Variants in GRID2 observed in about 807,000 individuals in gnomAD.
The protein encoded by GRID2 is glutamate ionotropic receptor delta type subunit 2, also known as glutamate receptor ionotropic, delta-2.
Under a neutral mutation model 114.8 loss-of-function variants are expected in GRID2, and 33 were observed. That is an observed-to-expected ratio of 0.29 (90% confidence interval 0.22 to 0.38). GRID2 has a LOEUF of 0.38. Among genes scored for constraint, GRID2 ranks in the 10% least tolerant of loss-of-function variants. GRID2 has a pLI of 1.00. For synonymous variants in GRID2, 505 were observed against 449.9 expected, an observed-to-expected ratio of 1.12 and a Z score of -1.55; for missense variants, 1,184 against 1,257.7, an observed-to-expected ratio of 0.94 and a Z score of 0.89.
chr4:92,589,548 T>C lies in GRID2; in HGVS notation c.89-583T>C, dbSNP rs150774990. Among the ~76,000 whole-genome samples the C allele has an allele frequency of 7.0e-3, 1,061 of 152,328 alleles. 11 individuals carry two copies. Among genetic ancestry groups the C allele is most frequent in the African/African-American group, 0.024 (1,013 of 41,576 alleles). The stretch of plus-strand genomic sequence containing the variant: ...ATCCATTAGGACTTACATTAGTTCC[T>C]TGAGAAATATTTATCCATTCCCTCT... On this transcript the variant is annotated intron_variant, in intron 1 of 15. Coordinates refer to ENST00000282020, the MANE Select transcript of GRID2 (RefSeq NM_001510.4).
chr4:93,334,922 A>C (rs914365337), intron 8 of GRID2, among the ~76,000 whole-genome samples: 2 of 151,578 alleles, frequency 1.3e-5, no homozygotes, highest in African/African-American at 2.4e-5. Context: ...CAAGAGCAAA[A>C]CTCCGTCTCA....
chr4:92,328,448 A>C (rs1259206065), intron 1 of GRID2, among the ~76,000 whole-genome samples: 1 of 152,048 alleles, frequency 6.6e-6, no homozygotes, highest in Non-Finnish European at 1.5e-5. Context: ...AAATGATGAC[A>C]ACTTGTTTCT....
intron 2 of GRID2, among the ~76,000 whole-genome samples, chr4:92,675,635 C>G (rs1274636394): frequency 6.6e-6 from 1 of 151,538 alleles, no homozygotes; most frequent in Non-Finnish European, 1.5e-5. Flanking sequence ...ACTGCAAGCT[C>G]CGCCTCCCAG....
At chr4:92,719,576 A>G (rs1302965327) in intron 2 of GRID2, among the ~76,000 whole-genome samples, 1 of 152,120 alleles carries the variant, frequency 6.6e-6, no homozygotes, top group Non-Finnish European at 1.5e-5. Flanking sequence ...GACAAATGCT[A>G]CTAAAAGGTA....
intron 14 of GRID2, among the ~76,000 whole-genome samples, chr4:93,681,784 T>C (rs13112342): frequency 1.3e-5 from 2 of 152,080 alleles, no homozygotes; most frequent in East Asian, 1.9e-4. Context: ...TTAATTCAAG[T>C]TGGATTAAAG....
At chr4:93,697,880 T>TATATATATATATATA (rs1208336606) in intron 14 of GRID2, among the ~76,000 whole-genome samples, 6 of 147,780 alleles carry the variant, frequency 4.1e-5, no homozygotes, top group South Asian at 2.1e-4. Context: ...TATATATATA[T>TATATATATATATATA]TTCAAAACAA....
intron 8 of GRID2, among the ~76,000 whole-genome samples, chr4:93,357,402 T>C (rs1449306077): frequency 1.3e-5 from 2 of 151,336 alleles, no homozygotes; most frequent in Non-Finnish European, 3.0e-5. Flanking sequence ...AAATATTCTG[T>C]CATATATGTT....
intron 1 of GRID2, among the ~76,000 whole-genome samples, chr4:92,546,722 A>C (rs557240139): frequency 6.6e-6 from 1 of 152,346 alleles, no homozygotes; most frequent in Non-Finnish European, 1.5e-5. Context: ...GTGGATACAC[A>C]TGCAAGTCTG....
intron 8 of GRID2, among the ~76,000 whole-genome samples, chr4:93,302,045 A>T (rs958692063): frequency 6.6e-6 from 1 of 152,204 alleles, no homozygotes; most frequent in African/African-American, 2.4e-5. Context: ...AAACACACCA[A>T]TAAAATCTTA....
chr4:93,418,726 A>G (rs762259157), intron 9 of GRID2, among the ~76,000 whole-genome samples: 6 of 151,988 alleles, frequency 3.9e-5, no homozygotes, highest in African/African-American at 7.2e-5. Context: ...CATTTCTTTG[A>G]TTTTTGTTTG....
chr4:93,645,000 C>T (rs12710872), intron 14 of GRID2, among the ~76,000 whole-genome samples: 42,148 of 151,966 alleles, frequency 0.28, 8,286 homozygotes, highest in African/African-American at 0.56. Flanking sequence ...TATTCAGAGA[C>T]GTATTCCAAA....
intron 13 of GRID2, among the ~76,000 whole-genome samples, chr4:93,594,144 T>C (rs1738752549): frequency 6.6e-6 from 1 of 152,138 alleles, no homozygotes; most frequent in Admixed American, 6.5e-5. Flanking sequence ...CTTTTTAGAG[T>C]TTCCAGTTTT....
chr4:92,659,541 A>G (rs1436878982), intron 2 of GRID2, among the ~76,000 whole-genome samples: 1 of 151,616 alleles, frequency 6.6e-6, no homozygotes, highest in African/African-American at 2.4e-5. Flanking sequence ...AATGATATAT[A>G]AACAAAAATC....
At chr4:92,921,982 T>C (rs187841507) in intron 2 of GRID2, among the ~76,000 whole-genome samples, 2,260 of 152,298 alleles carry the variant, frequency 0.015, 22 homozygotes, top group East Asian at 0.053. Context: ...CCTTGAGCTT[T>C]GGTGGGCTCC....
intron 2 of GRID2, among the ~76,000 whole-genome samples, chr4:92,890,108 A>T (rs891864374): frequency 1.3e-5 from 2 of 152,172 alleles, no homozygotes; most frequent in Non-Finnish European, 2.9e-5. Flanking sequence ...CTTATACAAA[A>T]ATTAACTCAA....
At chr4:93,646,435 GA>G (rs1363300969) in intron 14 of GRID2, among the ~76,000 whole-genome samples, 1 of 152,174 alleles carries the variant, frequency 6.6e-6, no homozygotes, top group Non-Finnish European at 1.5e-5. Context: ...GACTCAAAGA[GA>G]GGGAACAAAC....
intron 2 of GRID2, among the ~76,000 whole-genome samples, chr4:92,991,664 T>C (rs1754913902): frequency 6.6e-6 from 1 of 152,316 alleles, no homozygotes; most frequent in African/African-American, 2.4e-5. Flanking sequence ...CATTTGTAGA[T>C]CTGAGTTTCT....
chr4:93,266,207 A>G (rs899642246), intron 8 of GRID2, among the ~76,000 whole-genome samples: 1 of 152,208 alleles, frequency 6.6e-6, no homozygotes, highest in African/African-American at 2.4e-5. Context: ...GGCTCTGGCC[A>G]GAAATTATTT....
Position 92,896,060 on chromosome 4 carries a change from T to C in GRID2, c.245-188935T>C, listed in dbSNP as rs796499488. On this transcript the variant is annotated intron_variant, in intron 2 of 15. Transcript: ENST00000282020. ...TTCTAAAAATGCACTAAAAGCACTTTAGTACGTAAATTCCATCATGACTAA... is the reference window on the plus strand; with the variant it reads ...TTCTAAAAATGCACTAAAAGCACTTCAGTACGTAAATTCCATCATGACTAA... Among the ~76,000 whole-genome samples, 8 of 152,238 alleles carry C rather than the reference T, an allele frequency of 5.3e-5. 1 individual carries two copies. The South Asian group carries it at 8.3e-4, about 16-fold the overall frequency.
Sources: allele counts gnomAD v4.1 joint callset (sites outside exome capture counted in the v4.1 genomes callset), GRCh38; gene constraint gnomAD v4.1.1; transcripts MANE v1.5; gene names NCBI Gene and HGNC (gene_info 2026-07-23, HGNC 2026-07-21).